The following VWA8 variants were observed in gnomAD, a reference collection of about 807,000 sequenced individuals.
The protein encoded by VWA8 is von Willebrand factor A domain containing 8, also known as von Willebrand factor A domain-containing protein 8.
A neutral mutation model predicts 241.5 loss-of-function variants in VWA8; 221 were observed. The ratio of observed to expected loss-of-function variants is 0.91; its 90% confidence interval spans 0.82 to 1.02. VWA8 has a LOEUF of 1.02. Ranked by LOEUF, VWA8 falls within the 50% of genes least tolerant of loss-of-function variation. VWA8 has a pLI of 0.00. For missense variants in VWA8, 2,322 were observed against 2,328.7 expected (o/e 1.00, Z 0.06); for synonymous variants, 852 against 827.1 (o/e 1.03, Z -0.52).
intron 37 of VWA8, among the ~76,000 whole-genome samples, chr13:41,617,553 T>C (rs1290686945): frequency 6.6e-6 from 1 of 152,246 alleles, no homozygotes; most frequent in African/African-American, 2.4e-5. Context: ...GTTTGTTACA[T>C]ATAGTATACA....
intron 5 of VWA8, among the ~76,000 whole-genome samples, chr13:41,888,026 T>G (rs9562361): frequency 0.23 from 35,224 of 152,216 alleles, 5,122 homozygotes; most frequent in Non-Finnish European, 0.31. Flanking sequence ...CTGGCTCAAC[T>G]GCTTGATGTA....
At chr13:41,748,103 C>T (rs1220605058) in intron 21 of VWA8, among the ~76,000 whole-genome samples, 7 of 152,160 alleles carry the variant, frequency 4.6e-5, no homozygotes, top group Non-Finnish European at 8.8e-5. Context: ...CAGGATGATG[C>T]TGGCCTCATA....
intron 14 of VWA8, among the ~76,000 whole-genome samples, chr13:41,826,883 TAAAAA>T (rs922532303): frequency 2.6e-5 from 4 of 150,974 alleles, no homozygotes; most frequent in African/African-American, 9.8e-5. Flanking sequence ...CAAAAAAAGA[TAAAAA>T]AAGAAAAAAA....
At chr13:41,811,481 C>A (rs922358154) in intron 16 of VWA8, 141 bp from the exon 17 acceptor site, 2 of 479,338 alleles carry the variant, frequency 4.2e-6, no homozygotes, top group South Asian at 6.3e-5. Context: ...AATTACAAAT[C>A]AAAATAAACA....
chr13:41,872,605 T>A (rs1469526519), intron 9 of VWA8, among the ~76,000 whole-genome samples: 1 of 152,226 alleles, frequency 6.6e-6, no homozygotes, highest in Non-Finnish European at 1.5e-5. Flanking sequence ...TTGTCAAAGA[T>A]CAGACAGTTG....
At chr13:41,778,112 A>C (rs971749300) in intron 19 of VWA8, 56 bp from the exon 20 acceptor site, 5 of 1,279,146 alleles carry the variant, frequency 3.9e-6, no homozygotes, top group Non-Finnish European at 5.5e-6. Context: ...TTAAATAAGA[A>C]AGTTAACTAT....
At chr13:41,749,142 G>A (rs542681600) in intron 21 of VWA8, among the ~76,000 whole-genome samples, 2 of 151,874 alleles carry the variant, frequency 1.3e-5, no homozygotes, top group African/African-American at 2.4e-5. Context: ...AATCTACAAA[G>A]AACTCAAATT....
rs117837063 is a variant in VWA8, at chr13:41,572,106, G to T, written c.5371-1400C>A. Among the ~76,000 whole-genome samples, 230 of 150,780 alleles carry T rather than the reference G, an allele frequency of 1.5e-3. 2 individuals carry two copies. The East Asian group carries it at 0.04, about 26-fold the overall frequency. On this transcript the variant is annotated intron_variant, in intron 43 of 44. Coordinates refer to ENST00000379310, the MANE Select transcript of VWA8 (RefSeq NM_015058.2). ...CGTCTGAGCAGTGAGGAGCCCCTCC[G>T]CCCGGCAGCTGCCCGTCTGCGAAGT...
At chr13:41,726,717 G>A (rs531719618) in intron 24 of VWA8, among the ~76,000 whole-genome samples, 9 of 152,256 alleles carry the variant, frequency 5.9e-5, no homozygotes, top group South Asian at 2.1e-4. Flanking sequence ...TCTCTGGGCC[G>A]GGCATGGTGG....
chr13:41,884,890 TATACATACATAC>T (rs10544998), intron 8 of VWA8, among the ~76,000 whole-genome samples: 51,245 of 149,898 alleles, frequency 0.34, 8,855 homozygotes, highest in East Asian at 0.5. Flanking sequence ...AACATACATA[TATACATACATAC>T]ATACATACAT....
rs541719545 is a variant in VWA8 at position 41,622,677 on chromosome 13, T to C, written c.4612-7593A>G. Among the ~76,000 whole-genome samples the C allele has an allele frequency of 4.6e-5, 7 of 152,290 alleles. No individual in the cohort carries two copies. The South Asian group carries it at 1.5e-3, about 32-fold the overall frequency. On this transcript the variant is annotated intron_variant, in intron 37 of 44. Coordinates refer to ENST00000379310, the MANE Select transcript of VWA8 (RefSeq NM_015058.2). ...TAAAATGGAAAAAACATGGATCTTG[T>C]AAATTACAACTCATAAAAATGTTCC...
intron 21 of VWA8, among the ~76,000 whole-genome samples, chr13:41,751,614 A>G (rs1354453250): frequency 6.6e-6 from 1 of 152,164 alleles, no homozygotes; most frequent in African/African-American, 2.4e-5. Context: ...AGCCTCATAT[A>G]TTGAATTATG....
chr13:41,587,235 G>A (rs1355481817), intron 42 of VWA8, among the ~76,000 whole-genome samples: 1 of 152,130 alleles, frequency 6.6e-6, no homozygotes, highest in Non-Finnish European at 1.5e-5. Context: ...AAGGCCAGGA[G>A]GCTCTGAGGA....
chr13:41,705,016 T>C (rs889489359), intron 26 of VWA8, among the ~76,000 whole-genome samples: 1 of 152,212 alleles, frequency 6.6e-6, no homozygotes, highest in Non-Finnish European at 1.5e-5. Context: ...TAAGATCATG[T>C]AAGGCTAAGA....
intron 26 of VWA8, among the ~76,000 whole-genome samples, chr13:41,705,090 A>G (rs1272598024): frequency 6.6e-6 from 1 of 152,218 alleles, no homozygotes; most frequent in African/African-American, 2.4e-5. Context: ...TCCCTTTTGA[A>G]TGCTAATGTT....
intron 37 of VWA8, among the ~76,000 whole-genome samples, chr13:41,666,227 C>T (rs1021089438): frequency 3.3e-5 from 5 of 152,108 alleles, no homozygotes; most frequent in Admixed American, 1.3e-4. Flanking sequence ...TACTTCAGGG[C>T]AGATTTTTCT....
chr13:41,695,068 C>T (rs769614049), intron 29 of VWA8, among the ~76,000 whole-genome samples: 4 of 152,102 alleles, frequency 2.6e-5, no homozygotes, highest in African/African-American at 7.2e-5. Context: ...TAGAATTTTG[C>T]GTCACACATG....
chr13:41,838,605 ATT>A (rs1477081200), intron 12 of VWA8, among the ~76,000 whole-genome samples: 1 of 152,194 alleles, frequency 6.6e-6, no homozygotes, highest in East Asian at 1.9e-4. Context: ...AATATAATGT[ATT>A]ATAAAATTAA....
At chr13:41,871,393 G>A (rs1234352396) in intron 9 of VWA8, among the ~76,000 whole-genome samples, 1 of 152,002 alleles carries the variant, frequency 6.6e-6, no homozygotes, top group African/African-American at 2.4e-5. Flanking sequence ...CCATGCTGGT[G>A]TGCTGCACCC....
Sources: allele counts gnomAD v4.1 joint callset (sites outside exome capture counted in the v4.1 genomes callset), GRCh38; gene constraint gnomAD v4.1.1; transcripts MANE v1.5; gene names NCBI Gene and HGNC (gene_info 2026-07-23, HGNC 2026-07-21).